SIRT4: variants seen among roughly 807,000 people sequenced by gnomAD.
SIRT4 encodes sirtuin 4.
In SIRT4, 23 loss-of-function variants were observed where a neutral mutation model predicts 26.1. The observed-to-expected ratio is 0.88, with a 90% CI of 0.63 to 1.25. SIRT4 has a LOEUF of 1.25. Ranked by LOEUF, SIRT4 falls within the 50% of genes most tolerant of loss-of-function variation. The pLI, the probability that SIRT4 is intolerant of heterozygous loss-of-function variation, is 0.00. For synonymous variants in SIRT4, 155 were observed against 158.4 expected, an observed-to-expected ratio of 0.98 and a Z score of 0.16; for missense variants, 361 against 405.4, an observed-to-expected ratio of 0.89 and a Z score of 0.94.
chr12:120,293,180 G>C, the SIRT4 span: 5 of 152,136 alleles, frequency 3.3e-5, no homozygotes, highest in Non-Finnish European at 5.9e-5. Context: ...TTTTCAATTA[G>C]CAATAATCGC....
upstream of SIRT4, among the ~76,000 whole-genome samples, chr12:120,299,331 C>T (rs969506159): frequency 2.0e-5 from 3 of 151,302 alleles, no homozygotes; most frequent in Non-Finnish European, 4.4e-5. Context: ...GCAGGTGGGT[C>T]ACCTGAGGTC....
In SIRT4 at chr12:120,313,119, G is replaced by T; in HGVS notation, c.*83G>T. 2 of 1,517,014 alleles carry T rather than the reference G, an allele frequency of 1.3e-6. No homozygotes were observed. Among genetic ancestry groups the T allele is most frequent in the Non-Finnish European group, 9.1e-7 (1 of 1,099,264 alleles). 94.0% of individuals were successfully genotyped at this position (1,517,014 alleles called of 1,614,324 possible). On this transcript the variant is annotated 3_prime_UTR_variant, in exon 4 of 4. Coordinates refer to ENST00000202967, the MANE Select transcript of SIRT4 (RefSeq NM_012240.3). Reference sequence around the variant, plus strand: ...AATGTAAATGCCTTCTCAAATGACAGATTCCAGTTCCCATTCAACAGAGTA... The same window carrying T: ...AATGTAAATGCCTTCTCAAATGACATATTCCAGTTCCCATTCAACAGAGTA...
the SIRT4 span, among the ~76,000 whole-genome samples, chr12:120,297,086 G>C: frequency 6.6e-6 from 1 of 151,848 alleles, no homozygotes; most frequent in Non-Finnish European, 1.5e-5. Flanking sequence ...AGCTGGGCAT[G>C]GTGGCGGGCG....
intron 3 of SIRT4, 34 bp downstream of exon 3, chr12:120,312,784 T>C (rs1342771929): frequency 1.2e-6 from 2 of 1,606,358 alleles, no homozygotes; most frequent in South Asian, 2.2e-5. Flanking sequence ...AACCACCCCT[T>C]GTGCGGGATT....
At chr12:120,298,651 G>A (rs938419808), upstream of SIRT4, among the ~76,000 whole-genome samples, 1 of 152,056 alleles carries the variant, frequency 6.6e-6, no homozygotes, top group Admixed American at 6.6e-5. Flanking sequence ...GCTCATGCCT[G>A]TAATTCCAGC....
chr12:120,293,083 G>C, the SIRT4 span: 3 of 84,288 alleles, frequency 3.6e-5, no homozygotes, highest in Admixed American at 2.3e-4. Context: ...TTGTTCAACT[G>C]CAAGAAAATT....
At chr12:120,292,603 A>C in the SIRT4 span, among the ~76,000 whole-genome samples, 1 of 149,848 alleles carries the variant, frequency 6.7e-6, no homozygotes, top group Non-Finnish European at 1.5e-5. Flanking sequence ...CTCAAAAAGA[A>C]AACAACAGTG....
chr12:120,292,526 C>T, the SIRT4 span, among the ~76,000 whole-genome samples: 1 of 152,226 alleles, frequency 6.6e-6, no homozygotes, highest in African/African-American at 2.4e-5. Context: ...ATCGCTTGAA[C>T]CCGGGCGGCA....
At chr12:120,299,968 C>T (rs539763343), upstream of SIRT4, among the ~76,000 whole-genome samples, 1 of 152,044 alleles carries the variant, frequency 6.6e-6, no homozygotes, top group African/African-American at 2.4e-5. Context: ...GAGTCAGGGG[C>T]TTCATGAAAC....
intron 2 of SIRT4, among the ~76,000 whole-genome samples, chr12:120,308,880 A>AT (rs1872846676): frequency 1.3e-5 from 2 of 152,026 alleles, no homozygotes; most frequent in African/African-American, 4.8e-5. Flanking sequence ...CATTAAAACA[A>AT]TTTTTTCCGC....
chr12:120,307,915 C>A (rs979166234), intron 2 of SIRT4, among the ~76,000 whole-genome samples: 1 of 152,026 alleles, frequency 6.6e-6, no homozygotes, highest in African/African-American at 2.4e-5. Context: ...TAAATGACAA[C>A]GCATGATTGT....
intron 2 of SIRT4, 158 bp downstream of exon 2, chr12:120,304,216 G>A (rs1872655642): frequency 1.8e-6 from 1 of 567,072 alleles, no homozygotes; most frequent in Non-Finnish European, 2.2e-6. Flanking sequence ...CATTGACGGA[G>A]CAAGGATGTA....
intron 2 of SIRT4, among the ~76,000 whole-genome samples, chr12:120,304,805 A>T (rs1317029491): frequency 6.0e-5 from 1 of 16,748 alleles, no homozygotes; most frequent in Admixed American, 4.0e-4. Flanking sequence ...AGTAAATTTT[A>T]TATATATATA....
intron 1 of SIRT4, 74 bp from the exon 2 acceptor site, chr12:120,303,486 CG>C (rs1272263088): frequency 6.7e-7 from 1 of 1,494,740 alleles, no homozygotes; most frequent in Non-Finnish European, 8.9e-7. Context: ...AAAAACAAAA[CG>C]AAAACAAACA....
chr12:120,310,184 C>T lies in SIRT4; in HGVS notation c.498-2272C>T, dbSNP rs188697908. 8.0e-3 allele frequency among the ~76,000 whole-genome samples: 1,205 copies of T among 151,330 alleles called. 16 individuals are homozygous for T. Among genetic ancestry groups the T allele is most frequent in the African/African-American group, 0.028 (1,145 of 41,420 alleles). ...GTGGCTCACGTCTGTAGTCTCAGCA[C>T]TTTGGGAGGCCGAGGTGGGCAGATC... On this transcript the variant is annotated intron_variant, in intron 2 of 3. Transcript: ENST00000202967.
At chr12:120,295,273 G>A in the SIRT4 span, among the ~76,000 whole-genome samples, 1 of 142,070 alleles carries the variant, frequency 7.0e-6, no homozygotes, top group African/African-American at 2.6e-5. Context: ...GGACTGCAAA[G>A]GCGCAATCTC....
intron 2 of SIRT4, among the ~76,000 whole-genome samples, chr12:120,307,608 C>T (rs927285901): frequency 2.6e-5 from 4 of 152,174 alleles, no homozygotes; most frequent in African/African-American, 7.2e-5. Context: ...GCCTGTAATC[C>T]GAGCACTTTG....
chr12:120,301,772 C>CA (rs1284309476), upstream of SIRT4, among the ~76,000 whole-genome samples: 1 of 151,528 alleles, frequency 6.6e-6, no homozygotes, highest in African/African-American at 2.4e-5. Flanking sequence ...GAAAAAAAGA[C>CA]AAAAAATAAG....
chr12:120,312,808 A>G, intron 3 of SIRT4, 58 bp downstream of exon 3: 1 of 1,606,706 alleles, frequency 6.2e-7, no homozygotes, highest in South Asian at 1.1e-5. Flanking sequence ...AGTCCTGGAG[A>G]GACACCCTGT....
Sources: gnomAD v4.1 joint callset for allele counts (sites outside exome capture counted in the v4.1 genomes callset) on GRCh38, gnomAD v4.1.1 for gene constraint, MANE v1.5 for transcripts, NCBI Gene and HGNC (gene_info 2026-07-23, HGNC 2026-07-21) for gene names.